Variants in RHBDD1 observed in about 807,000 individuals in gnomAD.
The protein encoded by RHBDD1 is rhomboid-related protein 4.
In RHBDD1, 38 loss-of-function variants were observed where a neutral mutation model predicts 36.3. The ratio of observed to expected loss-of-function variants is 1.05; its 90% CI spans 0.81 to 1.37. The LOEUF is 1.37. Ranked by LOEUF, RHBDD1 falls within the 40% of genes most tolerant of loss-of-function variation. RHBDD1 has a pLI of 0.00. For synonymous variants in RHBDD1, 151 were observed against 136.5 expected, an observed-to-expected ratio of 1.11 and a Z score of -0.74; for missense variants, 393 against 377.6, an observed-to-expected ratio of 1.04 and a Z score of -0.34.
intron 2 of RHBDD1, among the ~76,000 whole-genome samples, chr2:226,838,989 C>T (rs1376159153): frequency 6.6e-6 from 1 of 152,110 alleles, no homozygotes; most frequent in South Asian, 2.1e-4. Context: ...AATGAGACCT[C>T]GTTGAAGGTA....
chr2:226,834,402 G>C (rs1410757004), upstream of RHBDD1, among the ~76,000 whole-genome samples: 2 of 152,166 alleles, frequency 1.3e-5, no homozygotes, highest in East Asian at 3.8e-4. Flanking sequence ...GTTTCTCATT[G>C]TCAGTTGAGC....
chr2:226,937,783 T>C (rs4675125), intron 8 of RHBDD1, among the ~76,000 whole-genome samples: 69,838 of 152,084 alleles, frequency 0.46, 16,287 homozygotes, highest in African/African-American at 0.53. Context: ...TCGGTTTTGT[T>C]GTGGCTGCAT....
chr2:226,866,861 A>G (rs2125252431), intron 4 of RHBDD1, among the ~76,000 whole-genome samples: 1 of 152,310 alleles, frequency 6.6e-6, no homozygotes, highest in African/African-American at 2.4e-5. Context: ...TTGAGTTAAA[A>G]TTTATATAGC....
Position 226,917,977 on chromosome 2 carries a change from C to A in RHBDD1, c.856+3626C>A, listed in dbSNP as rs535584270. ...TAATGAAAAAATTGTGGAAGATAGA[C>A]CATTGAAAACTTTGACAAAGAATTA... On this transcript the variant is annotated intron_variant, in intron 8 of 8. Transcript: ENST00000392062. Among the ~76,000 whole-genome samples, 3 of 152,008 alleles carry A rather than the reference C, an allele frequency of 2.0e-5. No individual in the cohort carries two copies. The South Asian group carries it at 6.2e-4, about 32-fold the overall frequency.
intron 8 of RHBDD1, among the ~76,000 whole-genome samples, chr2:226,915,487 A>G (rs1283155061): frequency 1.3e-5 from 2 of 152,216 alleles, no homozygotes; most frequent in East Asian, 1.9e-4. Context: ...AGAGCTCTGC[A>G]TGGGACACTG....
chr2:226,914,454 A>C (rs1434768554), intron 8 of RHBDD1, 103 bp downstream of exon 8: 8 of 1,316,946 alleles, frequency 6.1e-6, no homozygotes, highest in Non-Finnish European at 8.2e-6. Context: ...ACAGTTCAGA[A>C]AAAGGATATG....
chr2:226,978,312 C>T (rs182109302), intron 8 of RHBDD1, among the ~76,000 whole-genome samples: 1 of 152,232 alleles, frequency 6.6e-6, no homozygotes, highest in Admixed American at 6.5e-5. Context: ...CTGCTAGCCC[C>T]CCATTAAAAA....
chr2:226,891,968 G>A (rs933955733), intron 5 of RHBDD1, among the ~76,000 whole-genome samples: 3 of 152,194 alleles, frequency 2.0e-5, no homozygotes, highest in East Asian at 1.9e-4. Context: ...CCAGGAAGCT[G>A]AGGGACTATC....
the RHBDD1 span, among the ~76,000 whole-genome samples, chr2:226,812,808 A>G: frequency 1.3e-5 from 2 of 152,242 alleles, no homozygotes. Flanking sequence ...ATGTATTCCT[A>G]CTTGGGTTAA....
At chr2:226,831,214 A>G (rs1940733174), upstream of RHBDD1, among the ~76,000 whole-genome samples, 1 of 152,142 alleles carries the variant, frequency 6.6e-6, no homozygotes, top group South Asian at 2.1e-4. Flanking sequence ...TATTTGATGG[A>G]TTGACATCAG....
intron 8 of RHBDD1, among the ~76,000 whole-genome samples, chr2:226,934,301 G>GTGTA (rs1333697534): frequency 6.6e-6 from 1 of 152,098 alleles, no homozygotes; most frequent in Non-Finnish European, 1.5e-5. Context: ...TAGCCTATAT[G>GTGTA]TGTAGTAGGC....
chr2:226,874,621 C>G (rs1945062710), intron 5 of RHBDD1, among the ~76,000 whole-genome samples: 2 of 152,140 alleles, frequency 1.3e-5, no homozygotes, highest in African/African-American at 2.4e-5. Context: ...TTAAATATCC[C>G]TCGTCTCTTT....
chr2:226,929,752 G>A (rs960055092), intron 8 of RHBDD1, among the ~76,000 whole-genome samples: 6 of 151,730 alleles, frequency 4.0e-5, no homozygotes, highest in Admixed American at 1.3e-4. Context: ...CCCAAAAGAC[G>A]ACTCCAAAAG....
chr2:226,816,032 A>G, the RHBDD1 span, among the ~76,000 whole-genome samples: 3 of 152,210 alleles, frequency 2.0e-5, no homozygotes, highest in East Asian at 1.9e-4. Flanking sequence ...GTTAGTGTGT[A>G]GGTGACGCTG....
the RHBDD1 span, among the ~76,000 whole-genome samples, chr2:226,815,733 AAG>A: frequency 1.3e-5 from 2 of 152,208 alleles, no homozygotes; most frequent in Non-Finnish European, 2.9e-5. Context: ...ATGTTATTTG[AAG>A]AGTGGCCACT....
At chr2:226,894,521 T>C (rs1366383667) in intron 5 of RHBDD1, among the ~76,000 whole-genome samples, 2 of 152,238 alleles carry the variant, frequency 1.3e-5, no homozygotes, top group African/African-American at 2.4e-5. Context: ...TCTGCCTGCC[T>C]CGGCCTCCCA....
Position 226,995,621 on chromosome 2 carries a change from C to A in RHBDD1, c.*99C>A. The A allele has an allele frequency of 1.2e-6, 1 of 828,314 alleles. No individual in the cohort carries two copies. Among genetic ancestry groups the A allele is most frequent in the Non-Finnish European group, 2.0e-6 (1 of 495,522 alleles). The allele number at this position is 828,314 out of a possible 1,614,324, so 51.3% of individuals were successfully genotyped here. A position where few individuals can be genotyped will look rare whatever the true frequency, so the allele number is the denominator to read the frequency against. Reference sequence around the variant, plus strand: ...CATTTTAATTCATTTTAAACAAAAGCAGAGTACACCGGTATTGCTCCAGAT... The same window carrying A: ...CATTTTAATTCATTTTAAACAAAAGAAGAGTACACCGGTATTGCTCCAGAT... On this transcript the variant is annotated 3_prime_UTR_variant, in exon 9 of 9. Transcript: ENST00000392062.
chr2:226,883,691 C>T (rs1296759225), intron 5 of RHBDD1, among the ~76,000 whole-genome samples: 7 of 152,002 alleles, frequency 4.6e-5, no homozygotes, highest in African/African-American at 7.3e-5. Context: ...GTGACAGGTG[C>T]GAGACTTGAG....
chr2:226,931,638 C>T (rs1279184298), intron 8 of RHBDD1, among the ~76,000 whole-genome samples: 2 of 152,000 alleles, frequency 1.3e-5, no homozygotes, highest in Non-Finnish European at 2.9e-5. Context: ...ACCCCTAAAG[C>T]TACTGAAATA....
Sources: allele counts gnomAD v4.1 joint callset (sites outside exome capture counted in the v4.1 genomes callset), GRCh38; gene constraint gnomAD v4.1.1; transcripts MANE v1.5; gene names NCBI Gene and HGNC (gene_info 2026-07-23, HGNC 2026-07-21).